The following PCDHGA8 variants were observed in gnomAD, a reference collection of about 807,000 sequenced individuals.
PCDHGA8 encodes the protein protocadherin gamma-A8.
In PCDHGA8, 45 loss-of-function variants were observed where a neutral mutation model predicts 59.2. That is an observed-to-expected ratio of 0.76 (90% CI 0.60 to 0.98). PCDHGA8 has a LOEUF of 0.98. Among genes scored for constraint, PCDHGA8 ranks in the 50% least tolerant of loss-of-function variants. The probability of loss-of-function intolerance (pLI) is 0.00; values close to 1 mark genes in which losing one functional copy is unlikely to be tolerated. For missense variants in PCDHGA8, 1,257 were observed against 1,196.2 expected, an observed-to-expected ratio of 1.05 and a Z score of -0.75; for synonymous variants, 531 against 519.0, an observed-to-expected ratio of 1.02 and a Z score of -0.32.
chr5:141,511,241 C>A lies in PCDHGA8; in HGVS notation c.*68C>A. On this transcript the variant is annotated 3_prime_UTR_variant, in exon 4 of 4. Coordinates refer to ENST00000398604, the MANE Select transcript of PCDHGA8 (RefSeq NM_032088.2). ...CCAGCCCAGCTTCTCCTTACCTGCA[C>A]CCAGGCCTCAGAGTTTCAGGGCTAA... 1 of 1,585,212 alleles carries A rather than the reference C, an allele frequency of 6.3e-7. No individual in the cohort carries two copies. The highest frequency in any genetic ancestry group is 8.6e-7 in the Non-Finnish European group (1 of 1,165,762).
chr5:141,421,383 C>A lies in PCDHGA8; in HGVS notation c.2424+26146C>A, dbSNP rs754951142. The A allele has an allele frequency of 2.5e-6, 4 of 1,614,034 alleles. 1 individual carries two copies. The highest frequency in any genetic ancestry group is 8.5e-7 in the Non-Finnish European group (1 of 1,179,910). On this transcript the variant is annotated intron_variant, in intron 1 of 3. Transcript: ENST00000398604. ...CCTTCGTGGGCAATATCTCCAAGGA[C>A]CTGGGGCTGGAGCCCCGGGAGCTGG...
intron 1 of PCDHGA8, chr5:141,423,360 G>T (rs762976655): frequency 1.2e-6 from 2 of 1,614,224 alleles, no homozygotes; most frequent in South Asian, 2.2e-5. Context: ...TTGTCATCGT[G>T]CTGCTGGCAC....
At position 141,414,543 on chromosome 5, in the gene PCDHGA8, C is replaced by T. The variant is rs369387885; in HGVS notation, c.2424+19306C>T. The T allele has an allele frequency of 5.0e-6, 8 of 1,613,880 alleles. No individual in the cohort carries two copies. The African/African-American group carries it at 1.1e-4, about 22-fold the overall frequency. ...ATATCAATGACAACCCACCTACCTT[C>T]TCTCAAGTCTCCTACTTTACCTATA... On this transcript the variant is annotated intron_variant, in intron 1 of 3. Transcript: ENST00000398604.
chr5:141,409,056 C>T, intron 1 of PCDHGA8: 2 of 1,613,926 alleles, frequency 1.2e-6, no homozygotes, highest in South Asian at 1.1e-5. Context: ...CGAAGCACTG[C>T]CCAGAGCACA....
Position 141,486,070 on chromosome 5 carries a change from T to C in PCDHGA8, c.2425-8737T>C. ...ACCTCTTTAGCCTGCACCCCACTAC[T>C]GGAAAGCTTACTCTTTTGGGGCCCC... On this transcript the variant is annotated intron_variant, in intron 1 of 3. Coordinates refer to ENST00000398604, the MANE Select transcript of PCDHGA8 (RefSeq NM_032088.2). The surrounding 1 kb of genome is among the most constrained non-coding windows in gnomAD (Gnocchi z 5.0). 6.2e-7 allele frequency: 1 copy of C among 1,614,158 alleles called. No homozygotes were observed. The highest frequency in any genetic ancestry group is 8.5e-7 in the Non-Finnish European group (1 of 1,180,010).
intron 1 of PCDHGA8, among the ~76,000 whole-genome samples, chr5:141,456,363 G>A (rs1233146015): frequency 6.6e-6 from 1 of 152,098 alleles, no homozygotes; most frequent in African/African-American, 2.4e-5. Flanking sequence ...GTCCATGTGT[G>A]GTTCAGTTTA....
intron 1 of PCDHGA8, chr5:141,428,370 C>A: frequency 1.8e-6 from 1 of 540,734 alleles, no homozygotes; most frequent in Non-Finnish European, 3.4e-6. Flanking sequence ...TCGCCTTGCA[C>A]CTGCGATGCT....
chr5:141,433,067 T>C, intron 1 of PCDHGA8: 3 of 1,614,144 alleles, frequency 1.9e-6, no homozygotes, highest in Non-Finnish European at 2.5e-6. Context: ...TCACCTGATC[T>C]TCCCCCAGCC....
In PCDHGA8 at chr5:141,415,715, T is replaced by G. The variant is rs1051923200; in HGVS notation, c.2424+20478T>G. 4 of 1,428,132 alleles carry G rather than the reference T, an allele frequency of 2.8e-6. No individual in the cohort carries two copies. In the African/African-American group the frequency reaches 4.5e-5, roughly 16 times the overall value. The allele number at this position is 1,428,132 out of a possible 1,614,324, so 88.5% of individuals were successfully genotyped here. Reference sequence around the variant, plus strand: ...GAAAGTGTAAATGCTAAAACACTGATGAGTAGAATTTGATGTTTATTAAGG... The same window carrying G: ...GAAAGTGTAAATGCTAAAACACTGAGGAGTAGAATTTGATGTTTATTAAGG... On this transcript the variant is annotated intron_variant, in intron 1 of 3. Transcript: ENST00000398604.
At chr5:141,455,075 G>A (rs1050636999) in intron 1 of PCDHGA8, among the ~76,000 whole-genome samples, 2 of 151,830 alleles carry the variant, frequency 1.3e-5, no homozygotes, top group African/African-American at 4.8e-5. Context: ...GCCTCCCAAA[G>A]TGCTGGGATT....
In PCDHGA8 at chr5:141,486,718, A is replaced by G; in HGVS notation, c.2425-8089A>G. 6.2e-7 allele frequency: 1 copy of G among 1,614,106 alleles called. No individual in the cohort carries two copies. The highest frequency in any genetic ancestry group is 1.7e-5 in the Admixed American group (1 of 60,022). On this transcript the variant is annotated intron_variant, in intron 1 of 3. Coordinates refer to ENST00000398604, the MANE Select transcript of PCDHGA8 (RefSeq NM_032088.2). This position sits in a 1 kb window ranked among gnomAD's most constrained non-coding sequence, Gnocchi z 5.0. Reference sequence around the variant, plus strand: ...TCATCTCTCTGAACCCCCAGACAGGAGCTGTTCATGCTACTCGATCCTTTG... The same window carrying G: ...TCATCTCTCTGAACCCCCAGACAGGGGCTGTTCATGCTACTCGATCCTTTG...
At chr5:141,414,435 C>G (rs891322256) in intron 1 of PCDHGA8, 2 of 1,613,678 alleles carry the variant, frequency 1.2e-6, no homozygotes, top group African/African-American at 1.3e-5. Context: ...AACAGGTATC[C>G]TCTTACAATA....
At position 141,400,743 on chromosome 5, in the gene PCDHGA8, C is replaced by T. The variant is rs1404866842; in HGVS notation, c.2424+5506C>T. 6.5e-6 allele frequency: 4 copies of T among 611,214 alleles called. No individual in the cohort carries two copies. In the East Asian group the frequency reaches 1.1e-4, roughly 17 times the overall value. 37.9% of individuals were successfully genotyped at this position (611,214 alleles called of 1,614,324 possible). A position where few individuals can be genotyped will look rare whatever the true frequency, so the allele number is the denominator to read the frequency against. On this transcript the variant is annotated intron_variant, in intron 1 of 3. Coordinates refer to ENST00000398604, the MANE Select transcript of PCDHGA8 (RefSeq NM_032088.2). ...ATTTACAAAGTAGTGAGAGTTTGCTCTTAGCTTCCTCTCTAGCAAAAACAT... is the reference window on the plus strand; with the variant it reads ...ATTTACAAAGTAGTGAGAGTTTGCTTTTAGCTTCCTCTCTAGCAAAAACAT...
At chr5:141,403,646 G>A in intron 1 of PCDHGA8, 1 of 1,613,950 alleles carries the variant, frequency 6.2e-7, no homozygotes, top group Non-Finnish European at 8.5e-7. Context: ...CCATGTGACA[G>A]TGTTGGATAC....
intron 1 of PCDHGA8, among the ~76,000 whole-genome samples, chr5:141,474,644 C>G (rs1016496399): frequency 4.6e-5 from 7 of 152,180 alleles, no homozygotes; most frequent in Non-Finnish European, 1.0e-4. Flanking sequence ...CCTATATATC[C>G]TTACTTCTTT....
Position 141,476,278 on chromosome 5 carries a change from T to C in PCDHGA8, c.2425-18529T>C, listed in dbSNP as rs746655724. On this transcript the variant is annotated intron_variant, in intron 1 of 3. Transcript: ENST00000398604. The surrounding 1 kb of genome is among the most constrained non-coding windows in gnomAD (Gnocchi z 7.6). ...CTGTGGGCAACGTGGTCGCGAACCTTGGTTTGGATCTCGGTAGCCTCTCAG... is the reference window on the plus strand; with the variant it reads ...CTGTGGGCAACGTGGTCGCGAACCTCGGTTTGGATCTCGGTAGCCTCTCAG... The C allele has an allele frequency of 3.2e-5, 52 of 1,613,758 alleles. No homozygotes were observed. Among genetic ancestry groups the C allele is most frequent in the Non-Finnish European group, 4.2e-5 (49 of 1,179,958 alleles).
chr5:141,433,277 T>G, intron 1 of PCDHGA8: 1 of 1,231,982 alleles, frequency 8.1e-7, no homozygotes. Flanking sequence ...CACTGCAGCC[T>G]CAAACTCCTA....
In PCDHGA8 at chr5:141,476,833, C is replaced by T. The variant is rs746365316; in HGVS notation, c.2425-17974C>T. 1.4e-5 allele frequency: 23 copies of T among 1,613,524 alleles called. No homozygotes were observed. Among genetic ancestry groups the T allele is most frequent in the Non-Finnish European group, 1.9e-5 (23 of 1,180,050 alleles). On this transcript the variant is annotated intron_variant, in intron 1 of 3. Coordinates refer to ENST00000398604, the MANE Select transcript of PCDHGA8 (RefSeq NM_032088.2). The surrounding 1 kb of genome is among the most constrained non-coding windows in gnomAD (Gnocchi z 7.6). Reference sequence around the variant, plus strand: ...ACATCAAGGTGCTGGACGCGAATGACAATGCGCCTGTCTTCAACCAGTCCT... The same window carrying T: ...ACATCAAGGTGCTGGACGCGAATGATAATGCGCCTGTCTTCAACCAGTCCT...
chr5:141,442,981 C>T (rs2098357132), intron 1 of PCDHGA8, among the ~76,000 whole-genome samples: 1 of 152,142 alleles, frequency 6.6e-6, no homozygotes, highest in African/African-American at 2.4e-5. Flanking sequence ...ATAAAGTTAG[C>T]CTATAATTTC....
Sources: gnomAD v4.1 joint callset for allele counts (sites outside exome capture counted in the v4.1 genomes callset) on GRCh38, gnomAD v4.1.1 for gene constraint, Gnocchi (gnomAD v3.1) non-coding constraint, MANE v1.5 for transcripts, NCBI Gene and HGNC (gene_info 2026-07-23, HGNC 2026-07-21) for gene names.